Variants in SCML4 observed in about 807,000 individuals in gnomAD.
SCML4 encodes Scm polycomb group protein like 4, also known as sex comb on midleg-like protein 4.
Under a neutral mutation model 41.1 loss-of-function variants are expected in SCML4, and 34 were observed. The observed-to-expected ratio is 0.83, with a 90% CI of 0.63 to 1.10. The LOEUF (loss-of-function observed/expected upper bound fraction) is 1.10. Ranked by LOEUF, SCML4 falls within the 50% of genes least tolerant of loss-of-function variation. The probability of loss-of-function intolerance (pLI) is 0.00; values close to 1 mark genes in which losing one functional copy is unlikely to be tolerated. For missense variants in SCML4, 522 were observed against 534.1 expected (o/e 0.98, Z 0.22); for synonymous variants, 214 against 220.9 (o/e 0.97, Z 0.28).
At chr6:107,802,689 C>CCCTCCTCTCCCTCT (rs1783275598) in intron 1 of SCML4, among the ~76,000 whole-genome samples, 1 of 2,392 alleles carries the variant, frequency 4.2e-4, no homozygotes, top group African/African-American at 6.5e-4. Context: ...CCTCTCCCTC[C>CCCTCCTCTCCCTCT]CCCTCCTCTC....
chr6:107,755,708 C>G, intron 2 of SCML4: 1 of 938,380 alleles, frequency 1.1e-6, no homozygotes. Context: ...TTTAAATGGA[C>G]AAAATAAAAC....
At chr6:107,825,290 A>C (rs2114326292), upstream of SCML4, among the ~76,000 whole-genome samples, 1 of 152,348 alleles carries the variant, frequency 6.6e-6, no homozygotes, top group African/African-American at 2.4e-5. Flanking sequence ...AGCAGCAAAC[A>C]AATTTAGCCG....
chr6:107,720,530 A>G, intron 6 of SCML4, 173 bp downstream of exon 6: 1 of 1,383,928 alleles, frequency 7.2e-7, no homozygotes. Flanking sequence ...TCAAAGGTTG[A>G]GTTTGGCTGT....
At chr6:107,736,905 C>T (rs1367262595) in intron 5 of SCML4, among the ~76,000 whole-genome samples, 1 of 152,222 alleles carries the variant, frequency 6.6e-6, no homozygotes, top group Non-Finnish European at 1.5e-5. Context: ...CACCCCCTGC[C>T]ATCTGTATAT....
the SCML4 span, among the ~76,000 whole-genome samples, chr6:107,843,447 C>T: frequency 6.6e-6 from 1 of 152,136 alleles, no homozygotes; most frequent in Admixed American, 6.5e-5. Context: ...CTTAGAGCAA[C>T]CTATTTTGCA....
At chr6:107,800,710 T>C (rs933789512) in intron 1 of SCML4, among the ~76,000 whole-genome samples, 11 of 152,330 alleles carry the variant, frequency 7.2e-5, no homozygotes, top group South Asian at 2.1e-4. Flanking sequence ...TGGGGCCCAA[T>C]TCTACAGACA....
intron 5 of SCML4, 88 bp downstream of exon 5, chr6:107,744,861 C>G: frequency 8.9e-7 from 1 of 1,122,718 alleles, no homozygotes; most frequent in Non-Finnish European, 1.3e-6. Context: ...CTGCCAGGAG[C>G]TACAATGGCT....
chr6:107,753,940 C>T (rs1778896561), intron 2 of SCML4, among the ~76,000 whole-genome samples: 1 of 152,172 alleles, frequency 6.6e-6, no homozygotes, highest in African/African-American at 2.4e-5. Context: ...GAGGTGGGAG[C>T]TTGCAGAAGG....
intron 7 of SCML4, among the ~76,000 whole-genome samples, chr6:107,705,997 G>C (rs557293544): frequency 6.6e-6 from 1 of 152,312 alleles, no homozygotes; most frequent in East Asian, 1.9e-4. Context: ...ACCTAGCAAG[G>C]CTGGGCTTCC....
chr6:107,720,292 C>T, intron 6 of SCML4: 1 of 824,050 alleles, frequency 1.2e-6, no homozygotes, highest in South Asian at 5.6e-5. Flanking sequence ...TTCTCCACAC[C>T]TTCTTTCCCT....
intron 1 of SCML4, among the ~76,000 whole-genome samples, chr6:107,777,192 G>T (rs1157283680): frequency 6.6e-6 from 1 of 151,934 alleles, no homozygotes; most frequent in Non-Finnish European, 1.5e-5. Context: ...ATCTCGGCTC[G>T]CTGCAACCTC....
At chr6:107,796,486 G>A (rs1050210487) in intron 1 of SCML4, among the ~76,000 whole-genome samples, 1 of 152,082 alleles carries the variant, frequency 6.6e-6, no homozygotes, top group African/African-American at 2.4e-5. Flanking sequence ...ATTTTATGGG[G>A]TTGTTTGCCT....
At chr6:107,803,818 A>G (rs1783495465) in intron 1 of SCML4, among the ~76,000 whole-genome samples, 1 of 151,176 alleles carries the variant, frequency 6.6e-6, no homozygotes, top group Non-Finnish European at 1.5e-5. Flanking sequence ...GGGTGGTGCA[A>G]GATGTGCTTT....
chr6:107,794,066 C>T (rs1320221787), intron 1 of SCML4, among the ~76,000 whole-genome samples: 2 of 152,244 alleles, frequency 1.3e-5, no homozygotes, highest in Non-Finnish European at 2.9e-5. Context: ...TATCATCAGT[C>T]TCTTGTGATA....
At position 107,779,180 on chromosome 6, in the gene SCML4, A is replaced by AAAATAAATAAATAAATAAAT. The variant is rs34080063; in HGVS notation, c.-59-6814_-59-6795dup. On this transcript the variant is annotated intron_variant, in intron 1 of 7. Transcript: ENST00000369020. The stretch of plus-strand genomic sequence containing the variant: ...GGGCAACAGAGGGAGACTCCATCTC[A>AAAATAAATAAATAAATAAAT]AAATAAATAAATAAATAAATAAATA... 8.9e-4 allele frequency among the ~76,000 whole-genome samples: 132 copies of AAAATAAATAAATAAATAAAT among 148,776 alleles called. 1 individual carries two copies. The South Asian group carries it at 0.01, about 12-fold the overall frequency.
At chr6:107,771,272 A>G (rs1460044741) in intron 2 of SCML4, among the ~76,000 whole-genome samples, 1 of 152,180 alleles carries the variant, frequency 6.6e-6, no homozygotes, top group African/African-American at 2.4e-5. Context: ...ATTTTCCTAA[A>G]TATATGGGAG....
At chr6:107,831,418 A>C in the SCML4 span, among the ~76,000 whole-genome samples, 2 of 143,194 alleles carry the variant, frequency 1.4e-5, no homozygotes, top group Non-Finnish European at 3.0e-5. Context: ...TCTCAAAAAA[A>C]AAAAAAAAAA....
chr6:107,780,499 G>A (rs1781399614), intron 1 of SCML4, among the ~76,000 whole-genome samples: 1 of 152,112 alleles, frequency 6.6e-6, no homozygotes. Flanking sequence ...CTTGAGCCCA[G>A]GAGTTTGAGA....
chr6:107,726,681 C>T (rs982136799), intron 5 of SCML4, among the ~76,000 whole-genome samples: 7 of 151,918 alleles, frequency 4.6e-5, no homozygotes, highest in African/African-American at 1.5e-4. Flanking sequence ...CATCATGAGT[C>T]GAATCAAATC....
Sources: allele counts gnomAD v4.1 joint callset (sites outside exome capture counted in the v4.1 genomes callset), GRCh38; gene constraint gnomAD v4.1.1; transcripts MANE v1.5; gene names NCBI Gene and HGNC (gene_info 2026-07-23, HGNC 2026-07-21).